The following KIF15 variants were observed in gnomAD, a reference collection of about 807,000 sequenced individuals.
KIF15 encodes kinesin-like protein KIF15.
KIF15 carries 140 observed loss-of-function variants against 190.6 expected under a neutral mutation model. That is an observed-to-expected ratio of 0.73 (90% CI 0.64 to 0.84). The LOEUF is 0.84. Among genes scored for constraint, KIF15 ranks in the 40% least tolerant of loss-of-function variants. The pLI, the probability that KIF15 is intolerant of heterozygous loss-of-function variation, is 0.00. For synonymous variants in KIF15, 528 were observed against 551.3 expected (o/e 0.96, Z 0.59); for missense variants, 1,372 against 1,584.4 (o/e 0.87, Z 2.28).
Position 44,800,376 on chromosome 3 carries a change from CAAAG to C in KIF15, c.1164_1167del (p.Lys388AsnfsTer17). 6.2e-7 allele frequency: 1 copy of C among 1,614,178 alleles called. No individual in the cohort carries two copies. Reference sequence around the variant, plus strand: ...AGCTCCAAGCTGAAGTGAAGAGGCTCAAAGAACAACTGGCGGAGCTTGCTTCAGG... The same window carrying C: ...AGCTCCAAGCTGAAGTGAAGAGGCTCAACAACTGGCGGAGCTTGCTTCAGG... On this transcript the variant is annotated frameshift_variant, in exon 11 of 35. Coordinates refer to ENST00000326047, the MANE Select transcript of KIF15 (RefSeq NM_020242.3). LOFTEE classifies it high-confidence loss of function.
intron 1 of KIF15, among the ~76,000 whole-genome samples, chr3:44,764,719 A>G (rs1436215643): frequency 7.8e-6 from 1 of 128,082 alleles, no homozygotes; most frequent in Non-Finnish European, 1.6e-5. Context: ...GCTCACTGCA[A>G]CCTCCATCTC....
At chr3:44,864,167 A>G in intron 6 of KIF15, 1 of 1,612,444 alleles carries the variant, frequency 6.2e-7, no homozygotes, top group Non-Finnish European at 8.5e-7. Flanking sequence ...CCCAGGGTGG[A>G]CGTGGCTGCA....
At chr3:44,784,735 A>G (rs530965231) in intron 5 of KIF15, 110 bp from the exon 6 acceptor site, 9 of 649,792 alleles carry the variant, frequency 1.4e-5, no homozygotes, top group Non-Finnish European at 2.4e-5. Context: ...CTTGGAGCAC[A>G]AGTAGGAAAC....
intron 19 of KIF15, among the ~76,000 whole-genome samples, chr3:44,813,477 G>T (rs1707887996): frequency 6.6e-6 from 1 of 152,132 alleles, no homozygotes; most frequent in African/African-American, 2.4e-5. Context: ...GAGTCCAGTG[G>T]CATGATCTTG....
At chr3:44,829,411 T>TTATA (rs1697860146) in intron 24 of KIF15, among the ~76,000 whole-genome samples, 1 of 141,200 alleles carries the variant, frequency 7.1e-6, no homozygotes, top group African/African-American at 2.6e-5. Flanking sequence ...TGTATATATA[T>TTATA]TACATATGTA....
At chr3:44,859,304 T>C (rs1699216519) in intron 6 of KIF15, among the ~76,000 whole-genome samples, 2 of 152,198 alleles carry the variant, frequency 1.3e-5, no homozygotes, top group African/African-American at 4.8e-5. Flanking sequence ...TTTACTCTAT[T>C]ATTGTACACC....
intron 7 of KIF15, among the ~76,000 whole-genome samples, chr3:44,790,219 C>T (rs140639336): frequency 8.6e-5 from 13 of 152,004 alleles, no homozygotes; most frequent in African/African-American, 2.9e-4. Flanking sequence ...ACTCTCTCTC[C>T]AAGGCTAGAG....
At chr3:44,801,156 C>T (rs1044731868) in intron 11 of KIF15, among the ~76,000 whole-genome samples, 4 of 150,586 alleles carry the variant, frequency 2.7e-5, no homozygotes, top group African/African-American at 4.9e-5. Flanking sequence ...TACAGACCCA[C>T]GCCACCATGC....
chr3:44,795,460 A>G (rs1398001001), intron 8 of KIF15, among the ~76,000 whole-genome samples: 1 of 152,160 alleles, frequency 6.6e-6, no homozygotes, highest in Non-Finnish European at 1.5e-5. Flanking sequence ...AACACTTAAC[A>G]TTTCTTAGCA....
At chr3:44,805,380 C>A (rs1008742031) in intron 15 of KIF15, among the ~76,000 whole-genome samples, 2 of 152,034 alleles carry the variant, frequency 1.3e-5, no homozygotes, top group Admixed American at 1.3e-4. Flanking sequence ...GCAGTTTTTT[C>A]CTGTTGAGAG....
Position 44,797,663 on chromosome 3 carries a change from C to G in KIF15, c.962C>G (p.Thr321Ser). ...RHVCYRDSKL[T>S]FLLRDSLGGN... ...GTTTGCTACAGAGACTCCAAACTTA[C>G]CTTCTTACTACGGGTAAAGTAGATC... Residue 321 changes from threonine to serine, a missense_variant, in exon 9 of 35, where the codon ACC (threonine) becomes AGC (serine). Coordinates refer to ENST00000326047, the MANE Select transcript of KIF15 (RefSeq NM_020242.3). 6.2e-7 allele frequency: 1 copy of G among 1,614,060 alleles called. No individual in the cohort carries two copies. Among genetic ancestry groups the G allele is most frequent in the Non-Finnish European group, 8.5e-7 (1 of 1,179,996 alleles).
intron 1 of KIF15, among the ~76,000 whole-genome samples, chr3:44,764,925 C>A (rs1481692960): frequency 6.6e-6 from 1 of 152,260 alleles, no homozygotes; most frequent in Non-Finnish European, 1.5e-5. Flanking sequence ...GTGTGAGCCA[C>A]TGCACCCAGC....
chr3:44,826,286 A>G (rs562903221), intron 21 of KIF15, 89 bp from the exon 22 acceptor site: 3 of 1,549,494 alleles, frequency 1.9e-6, no homozygotes, highest in African/African-American at 2.8e-5. Flanking sequence ...ATACTTGCCC[A>G]CAGTGCCTGC....
At chr3:44,795,172 A>G (rs1039857520) in intron 8 of KIF15, among the ~76,000 whole-genome samples, 1 of 152,208 alleles carries the variant, frequency 6.6e-6, no homozygotes, top group Admixed American at 6.5e-5. Flanking sequence ...AAGAGACAAC[A>G]GGGGTCAGAG....
intron 27 of KIF15, among the ~76,000 whole-genome samples, chr3:44,839,769 G>A (rs1264770038): frequency 6.6e-6 from 1 of 152,150 alleles, no homozygotes; most frequent in Admixed American, 6.5e-5. Context: ...AAGTGAGATT[G>A]TGTGGTATTT....
At position 44,852,795 on chromosome 3, in the gene KIF15, G is replaced by C; in HGVS notation, c.*60G>C. The C allele has an allele frequency of 7.2e-7, 1 of 1,392,908 alleles. No homozygotes were observed. The highest frequency in any genetic ancestry group is 1.5e-5 in the African/African-American group (1 of 68,280). The allele number at this position is 1,392,908 out of a possible 1,614,324, so 86.3% of individuals were successfully genotyped here. A position where few individuals can be genotyped will look rare whatever the true frequency, so the allele number is the denominator to read the frequency against. ...TGAAGATGTTTCTTCTCTTTTACAA[G>C]TAAGACCTACTCCTGGCCACTTAGG... is the stretch of plus-strand genomic sequence containing the variant. On this transcript the variant is annotated 3_prime_UTR_variant, in exon 35 of 35. Transcript: ENST00000326047.
At chr3:44,763,296 A>ATC (rs3082549) in intron 1 of KIF15, among the ~76,000 whole-genome samples, 2,357 of 152,130 alleles carry the variant, frequency 0.015, 38 homozygotes, top group African/African-American at 0.034. Flanking sequence ...CCCGAAGGCT[A>ATC]TCTCTCTCTC....
At chr3:44,826,296 C>T in intron 21 of KIF15, 79 bp from the exon 22 acceptor site, 1 of 1,548,504 alleles carries the variant, frequency 6.5e-7, no homozygotes, top group Admixed American at 1.8e-5. Flanking sequence ...ACAGTGCCTG[C>T]CACATAGAAG....
chr3:44,811,816 C>A (rs1297748647), intron 17 of KIF15, among the ~76,000 whole-genome samples: 1 of 152,130 alleles, frequency 6.6e-6, no homozygotes, highest in East Asian at 1.9e-4. Context: ...CCACCCCAAA[C>A]CCCAGTATTT....
Sources: gnomAD v4.1 joint callset for allele counts (sites outside exome capture counted in the v4.1 genomes callset) on GRCh38, gnomAD v4.1.1 for gene constraint, MANE v1.5 for transcripts, NCBI Gene and HGNC (gene_info 2026-07-23, HGNC 2026-07-21) for gene names.